The following TARS2 variants were observed in gnomAD, a reference collection of about 807,000 sequenced individuals.
TARS2 encodes threonine--tRNA ligase, mitochondrial.
In TARS2, 61 loss-of-function variants were observed where a neutral mutation model predicts 94.4. The observed-to-expected ratio is 0.65, with a 90% CI of 0.53 to 0.80. TARS2 has a LOEUF of 0.80. Among genes scored for constraint, TARS2 ranks in the 30% least tolerant of loss-of-function variants. The pLI, the probability that TARS2 is intolerant of heterozygous loss-of-function variation, is 0.00. For synonymous variants in TARS2, 359 were observed against 353.4 expected (o/e 1.02, Z -0.18); for missense variants, 704 against 902.5 (o/e 0.78, Z 2.82).
Position 150,504,725 on chromosome 1 carries a change from G to C in TARS2, c.1812G>C (p.Gly604=), listed in dbSNP as rs144477069. The C allele has an allele frequency of 2.2e-4, 361 of 1,614,098 alleles. 1 individual carries two copies. Among genetic ancestry groups the C allele is most frequent in the Middle Eastern group, 4.9e-4 (3 of 6,084 alleles). ...RLLGVLAESC[G]GKWPLWLSPF... is the part of the protein sequence containing the mutation. ...TGGGAGTGCTGGCAGAAAGCTGCGG[G>C]GGGAAATGGTGAGACCTCTGACCTG... Residue 604 remains glycine (G), a synonymous_variant, in exon 15 of 18, where the codon GGG becomes GGC. Transcript: ENST00000369064.
intron 7 of TARS2, among the ~76,000 whole-genome samples, chr1:150,493,861 A>ATT (rs1191510943): frequency 6.7e-6 from 1 of 150,124 alleles, no homozygotes; most frequent in Non-Finnish European, 1.5e-5. Context: ...GTAGAGCAAA[A>ATT]AGCTCTGAAC....
rs367899885 is a variant in TARS2 at position 150,507,270 on chromosome 1, A to G, written c.*206A>G. The G allele has an allele frequency of 3.2e-6, 2 of 634,782 alleles. No individual in the cohort carries two copies. The highest frequency in any genetic ancestry group is 3.0e-5 in the East Asian group (1 of 32,994). The allele number at this position is 634,782 out of a possible 1,614,324, so 39.3% of individuals were successfully genotyped here. On this transcript the variant is annotated 3_prime_UTR_variant, in exon 18 of 18. Transcript: ENST00000369064. ...GTTTGGATGTGAGGAGAATGAAACT[A>G]CAAAAAAAAATAAATTGGGCCAGGC...
intron 7 of TARS2, among the ~76,000 whole-genome samples, chr1:150,492,796 CGA>C (rs1669457103): frequency 7.8e-6 from 1 of 128,730 alleles, no homozygotes; most frequent in South Asian, 2.4e-4. Flanking sequence ...GGCAACAGAG[CGA>C]GAGTCCATCT....
Position 150,504,794 on chromosome 1 carries a change from C to G in TARS2, c.1820+61C>G, listed in dbSNP as rs1021619979. Reference sequence around the variant, plus strand: ...AAACCGGATAGTTATGCTCCAGATCCTGTCCCCCTTCATATGCCAGCCTCT... The same window carrying G: ...AAACCGGATAGTTATGCTCCAGATCGTGTCCCCCTTCATATGCCAGCCTCT... On this transcript the variant is annotated intron_variant, in intron 15 of 17. Transcript: ENST00000369064. 3.1e-6 allele frequency: 5 copies of G among 1,607,896 alleles called. No individual in the cohort carries two copies. The African/African-American group carries it at 6.7e-5, about 21-fold the overall frequency.
chr1:150,487,585 T>C (rs1214141078), intron 1 of TARS2, 69 bp downstream of exon 1: 33 of 1,602,034 alleles, frequency 2.1e-5, no homozygotes, highest in Non-Finnish European at 2.6e-5. Flanking sequence ...CAAATTTTTA[T>C]GTTAACCCAG....
chr1:150,507,439 C>G lies in TARS2; in HGVS notation c.*375C>G, dbSNP rs1194772066. The G allele has an allele frequency of 5.9e-5, 10 of 170,078 alleles. No individual in the cohort carries two copies. The highest frequency in any genetic ancestry group is 1.7e-4 in the African/African-American group (7 of 41,648). 10.5% of individuals were successfully genotyped at this position (170,078 alleles called of 1,614,324 possible). On this transcript the variant is annotated 3_prime_UTR_variant, in exon 18 of 18. Transcript: ENST00000369064. ...AAAAAATTAGCCGGGCATGGTGGCA[C>G]ACGCCTGTAATCCCAGCTACTCAGG...
chr1:150,488,581 A>C, intron 2 of TARS2: 1 of 184,830 alleles, frequency 5.4e-6, no homozygotes, highest in Non-Finnish European at 1.1e-5. Flanking sequence ...ATTTTGATAT[A>C]TGCATACAAT....
chr1:150,498,810 G>C lies in TARS2; in HGVS notation c.1402-87G>C, dbSNP rs587745397. On this transcript the variant is annotated intron_variant, in intron 11 of 17. Coordinates refer to ENST00000369064, the MANE Select transcript of TARS2 (RefSeq NM_025150.5). The stretch of plus-strand genomic sequence containing the variant: ...CCCAGCTTGCTTCCGCTTCCTCTCT[G>C]TTTTTGCCCTTTGTTTTCCTCAAAC... 16 of 1,610,228 alleles carry C rather than the reference G, an allele frequency of 9.9e-6. No homozygotes were observed. The African/African-American group carries it at 2.1e-4, about 22-fold the overall frequency.
At chr1:150,494,012 A>G (rs1316743518) in intron 7 of TARS2, among the ~76,000 whole-genome samples, 1 of 151,960 alleles carries the variant, frequency 6.6e-6, no homozygotes, top group Non-Finnish European at 1.5e-5. Context: ...TATTTTCCCC[A>G]TCTATAAAAT....
chr1:150,490,492 TAGA>T, intron 3 of TARS2, 106 bp from the exon 4 acceptor site: 1 of 1,469,650 alleles, frequency 6.8e-7, no homozygotes, highest in Admixed American at 2.4e-5. Flanking sequence ...TAGTTATTCC[TAGA>T]AGAACCATAC....
Position 150,504,933 on chromosome 1 carries a change from G to T in TARS2, c.1848G>T (p.Val616=). The change falls in exon 16 of 18, where the codon GTG becomes GTT. Residue 616 remains valine (V), a synonymous_variant. Coordinates refer to ENST00000369064, the MANE Select transcript of TARS2 (RefSeq NM_025150.5). The part of the protein sequence containing the change: ...KWPLWLSPFQ[V]VVIPVGSEQE... ...CACTGTGGCTGTCCCCGTTCCAGGT[G>T]GTGGTCATCCCTGTGGGGAGTGAGC... 1 of 1,614,236 alleles carries T rather than the reference G, an allele frequency of 6.2e-7. No individual in the cohort carries two copies. The highest frequency in any genetic ancestry group is 1.7e-5 in the Admixed American group (1 of 60,026).
At chr1:150,503,300 CT>C (rs1467800722) in intron 13 of TARS2, among the ~76,000 whole-genome samples, 2 of 152,204 alleles carry the variant, frequency 1.3e-5, no homozygotes, top group Admixed American at 1.3e-4. Flanking sequence ...AATGGTACAG[CT>C]TCATGGGATA....
intron 12 of TARS2, 55 bp downstream of exon 12, chr1:150,499,089 G>A (rs1669797605): frequency 6.2e-7 from 1 of 1,613,652 alleles, no homozygotes; most frequent in African/African-American, 1.3e-5. Flanking sequence ...GTGGGAAGGA[G>A]TGGAGAATAC....
At chr1:150,489,372 A>G in intron 3 of TARS2, 1 of 402,738 alleles carries the variant, frequency 2.5e-6, no homozygotes, top group Non-Finnish European at 4.7e-6. Flanking sequence ...ACTCTTGAGC[A>G]CGTACATTAT....
At position 150,488,033 on chromosome 1, in the gene TARS2, A is replaced by G; in HGVS notation, c.242A>G (p.Tyr81Cys). ...GCTGTGGCATGGAACACAACCCCCT[A>G]CCAACTAGCCCGGCAGATCAGGTAA... is the stretch of plus-strand genomic sequence containing the variant. ...IDAVAWNTTP[Y>C]QLARQISSTL... Residue 81 changes from tyrosine to cysteine, a missense_variant, in exon 2 of 18, where the codon TAC becomes TGC. This residue lies in a region of TARS2 where 208 missense variants were observed against 228.5 expected (regional missense o/e 0.91). Coordinates refer to ENST00000369064, the MANE Select transcript of TARS2 (RefSeq NM_025150.5). 1 of 1,613,860 alleles carries G rather than the reference A, an allele frequency of 6.2e-7. No homozygotes were observed. The highest frequency in any genetic ancestry group is 1.7e-5 in the Admixed American group (1 of 59,974).
chr1:150,506,290 C>A (rs1204277076), intron 17 of TARS2, among the ~76,000 whole-genome samples: 3 of 152,068 alleles, frequency 2.0e-5, no homozygotes, highest in Non-Finnish European at 4.4e-5. Context: ...CCCAGTCAGC[C>A]CCTGCATACA....
rs1331226401 is a variant in TARS2 at position 150,487,523 on chromosome 1, G to A, written c.66+7G>A. The A allele has an allele frequency of 2.5e-6, 4 of 1,614,108 alleles. No homozygotes were observed. The highest frequency in any genetic ancestry group is 2.7e-5 in the African/African-American group (2 of 74,942). ...GGCTTGCAGGCTACACACGGTGCGT[G>A]AGGCACCCCCAAAGCTCCGATCCGC... On this transcript the variant is annotated splice_region_variant and intron_variant, in intron 1 of 17. Coordinates refer to ENST00000369064, the MANE Select transcript of TARS2 (RefSeq NM_025150.5).
At chr1:150,503,611 A>G (rs372472077) in intron 13 of TARS2, among the ~76,000 whole-genome samples, 14 of 83,718 alleles carry the variant, frequency 1.7e-4, no homozygotes, top group East Asian at 4.9e-4. Context: ...GTATGTGTGT[A>G]TATATATGTG....
intron 17 of TARS2, 98 bp downstream of exon 17, chr1:150,505,803 G>A (rs1468811760): frequency 8.8e-7 from 1 of 1,133,538 alleles, no homozygotes; most frequent in Admixed American, 2.4e-5. Context: ...GTTAATTGGG[G>A]CTCATTACCT....
Sources: allele counts gnomAD v4.1 joint callset (sites outside exome capture counted in the v4.1 genomes callset), GRCh38; gene constraint gnomAD v4.1.1; regional missense constraint gnomAD v4.1.1; transcripts MANE v1.5; gene names NCBI Gene and HGNC (gene_info 2026-07-23, HGNC 2026-07-21).